PHC2: variants seen among roughly 807,000 people sequenced by gnomAD.
PHC2 encodes the protein polyhomeotic-like protein 2.
In PHC2, 29 loss-of-function variants were observed where a neutral mutation model predicts 87.4. That is an observed-to-expected ratio of 0.33 (90% CI 0.25 to 0.45). The LOEUF (loss-of-function observed/expected upper bound fraction) is 0.45, where lower values mean the gene tolerates loss of function less well. PHC2 is among the 20% of genes least tolerant of loss of function. The probability of loss-of-function intolerance (pLI) is 1.00; values close to 1 mark genes in which losing one functional copy is unlikely to be tolerated. For missense variants in PHC2, 857 were observed against 1,136.7 expected, an observed-to-expected ratio of 0.75 and a Z score of 3.54; for synonymous variants, 438 against 461.7, an observed-to-expected ratio of 0.95 and a Z score of 0.66.
Position 33,406,748 on chromosome 1 carries a change from T to C in PHC2, c.-55+24228A>G, listed in dbSNP as rs190237863. The stretch of plus-strand genomic sequence containing the variant: ...ACCCATCTGAGATAAATTTTCCTTC[T>C]GCCTGGGTCTACTTGTCAGAAGAAT... On this transcript the variant is annotated intron_variant, in intron 1 of 14. Coordinates refer to ENST00000683057, the MANE Select transcript of PHC2 (RefSeq NM_001385109.1). 8.6e-4 allele frequency among the ~76,000 whole-genome samples: 131 copies of C among 152,352 alleles called. No homozygotes were observed. In the East Asian group the frequency reaches 0.018, roughly 22 times the overall value.
chr1:33,344,749 G>A (rs372448743), intron 9 of PHC2, among the ~76,000 whole-genome samples: 39 of 152,058 alleles, frequency 2.6e-4, no homozygotes, highest in African/African-American at 8.0e-4. Context: ...GACCACAGGC[G>A]TGTGCCACTA....
At chr1:33,421,902 C>T (rs989762336) in intron 1 of PHC2, among the ~76,000 whole-genome samples, 5 of 152,186 alleles carry the variant, frequency 3.3e-5, no homozygotes, top group African/African-American at 7.2e-5. Flanking sequence ...TTCTAAAAGG[C>T]GGATCTGATC....
Position 33,349,899 on chromosome 1 carries a change from C to A in PHC2, c.1558+4502G>T, listed in dbSNP as rs1646931797. 1 of 974,132 alleles carries A rather than the reference C, an allele frequency of 1.0e-6. No homozygotes were observed. Among genetic ancestry groups the A allele is most frequent in the Non-Finnish European group, 1.2e-6 (1 of 824,368 alleles). The allele number at this position is 974,132 out of a possible 1,614,324, so 60.3% of individuals were successfully genotyped here. A position where few individuals can be genotyped will look rare whatever the true frequency, so the allele number is the denominator to read the frequency against. ...GGCTGCAGCCGCCGCGGAGACAATG[C>A]GGCGAGTCTGGGACGGCTCCCGCGG... On this transcript the variant is annotated intron_variant, in intron 9 of 14. Coordinates refer to ENST00000683057, the MANE Select transcript of PHC2 (RefSeq NM_001385109.1). This position sits in a 1 kb window ranked among gnomAD's most constrained non-coding sequence, Gnocchi z 4.2.
At chr1:33,346,875 G>T in intron 9 of PHC2, 1 of 985,374 alleles carries the variant, frequency 1.0e-6, no homozygotes, top group Non-Finnish European at 1.2e-6. Context: ...ACACCAGTAG[G>T]GGTTCCTAAT....
chr1:33,428,483 T>C (rs577233373), intron 1 of PHC2, among the ~76,000 whole-genome samples: 1 of 152,270 alleles, frequency 6.6e-6, no homozygotes, highest in East Asian at 1.9e-4. Context: ...ATTCTAAAAA[T>C]AAATGTGGTC....
intron 2 of PHC2, among the ~76,000 whole-genome samples, chr1:33,373,072 C>G (rs533159989): frequency 5.2e-4 from 79 of 152,338 alleles, no homozygotes; most frequent in African/African-American, 1.8e-3. Context: ...TTGTCTGGGC[C>G]TTACAGAGCA....
In PHC2 at chr1:33,370,410, T is replaced by G. The variant is rs1369956737; in HGVS notation, c.576+11A>C. On this transcript the variant is annotated intron_variant, in intron 5 of 14. Coordinates refer to ENST00000683057, the MANE Select transcript of PHC2 (RefSeq NM_001385109.1). ...TGCCTCTGAGCCATGGCCCTGGCCA[T>G]GGGTACTCACCATCTGTGCCCTCAG... 1 of 1,609,306 alleles carries G rather than the reference T, an allele frequency of 6.2e-7. No homozygotes were observed. The highest frequency in any genetic ancestry group is 1.3e-5 in the African/African-American group (1 of 74,806).
intron 1 of PHC2, among the ~76,000 whole-genome samples, chr1:33,427,531 C>T (rs769649445): frequency 2.6e-5 from 4 of 152,086 alleles, no homozygotes; most frequent in Non-Finnish European, 4.4e-5. Context: ...TTATCGGCAT[C>T]TCATGCCACA....
At chr1:33,335,543 C>G (rs1646609479) in intron 9 of PHC2, among the ~76,000 whole-genome samples, 1 of 152,218 alleles carries the variant, frequency 6.6e-6, no homozygotes, top group Non-Finnish European at 1.5e-5. Context: ...AATACCACCA[C>G]AGAATAGGAA....
intron 1 of PHC2, among the ~76,000 whole-genome samples, chr1:33,423,743 T>G (rs1650547744): frequency 6.6e-6 from 1 of 152,248 alleles, no homozygotes; most frequent in African/African-American, 2.4e-5. Flanking sequence ...TACTTTCAAA[T>G]TATCAACTGC....
intron 13 of PHC2, 100 bp from the exon 14 acceptor site, chr1:33,329,246 C>A: frequency 7.8e-7 from 1 of 1,277,146 alleles, no homozygotes; most frequent in South Asian, 1.4e-5. Flanking sequence ...TGGCCTACTA[C>A]TACACATCTG....
At chr1:33,371,370 G>A (rs374871758) in intron 3 of PHC2, among the ~76,000 whole-genome samples, 7 of 152,072 alleles carry the variant, frequency 4.6e-5, no homozygotes, top group African/African-American at 1.4e-4. Flanking sequence ...CACCGCCTTC[G>A]GTGTGTGGAG....
At chr1:33,341,804 AC>A (rs933369089) in intron 9 of PHC2, among the ~76,000 whole-genome samples, 2 of 152,220 alleles carry the variant, frequency 1.3e-5, no homozygotes, top group African/African-American at 4.8e-5. Flanking sequence ...TAAAACATGC[AC>A]AAAATGAACT....
At position 33,334,647 on chromosome 1, in the gene PHC2, TACTC is replaced by T. The variant is rs1208359780; in HGVS notation, c.1559-359_1559-356del. ...TACTGATTTGAACAAATAAGGTTAA[TACTC>T]AGTTTGAGGGAGAAAAGTATTCAAG... On this transcript the variant is annotated intron_variant, in intron 9 of 14. Coordinates refer to ENST00000683057, the MANE Select transcript of PHC2 (RefSeq NM_001385109.1). The surrounding 1 kb of genome is among the most constrained non-coding windows in gnomAD (Gnocchi z 5.5). Among the ~76,000 whole-genome samples the T allele has an allele frequency of 1.3e-5, 2 of 152,218 alleles. No individual in the cohort carries two copies. The highest frequency in any genetic ancestry group is 2.4e-5 in the African/African-American group (1 of 41,466).
At position 33,325,024 on chromosome 1, in the gene PHC2, G is replaced by C. The variant is rs1358046388; in HGVS notation, c.2426-5C>G. On this transcript the variant is annotated splice_polypyrimidine_tract_variant and splice_region_variant and intron_variant, in intron 14 of 14. Coordinates refer to ENST00000683057, the MANE Select transcript of PHC2 (RefSeq NM_001385109.1). Reference sequence around the variant, plus strand: ...CCTCTGCTATCTCCTGGCAGCCTGAGGGGGTACCACCAAAGACAGTGTCAA... The same window carrying C: ...CCTCTGCTATCTCCTGGCAGCCTGACGGGGTACCACCAAAGACAGTGTCAA... The C allele has an allele frequency of 6.2e-7, 1 of 1,607,742 alleles. No individual in the cohort carries two copies. The highest frequency in any genetic ancestry group is 1.1e-5 in the South Asian group (1 of 90,182).
At chr1:33,357,575 T>C (rs1167928800) in intron 7 of PHC2, among the ~76,000 whole-genome samples, 1 of 152,274 alleles carries the variant, frequency 6.6e-6, no homozygotes, top group East Asian at 1.9e-4. Context: ...CAGTGTGATG[T>C]TGAGGGAAGT....
intron 2 of PHC2, among the ~76,000 whole-genome samples, chr1:33,372,878 TG>T (rs1035216739): frequency 2.6e-5 from 4 of 152,052 alleles, no homozygotes; most frequent in African/African-American, 9.7e-5. Context: ...GGGAAAAGAA[TG>T]GGGGTGGAGG....
chr1:33,349,244 C>G lies in PHC2; in HGVS notation c.1558+5157G>C. ...ACCAATAAAGTACGGCAGATGCCAG[C>G]AGTCTCGTCCCCGAACGCACCGTCC... On this transcript the variant is annotated intron_variant, in intron 9 of 14. Coordinates refer to ENST00000683057, the MANE Select transcript of PHC2 (RefSeq NM_001385109.1). This position sits in a 1 kb window ranked among gnomAD's most constrained non-coding sequence, Gnocchi z 4.2. 1 of 985,504 alleles carries G rather than the reference C, an allele frequency of 1.0e-6. No individual in the cohort carries two copies. The highest frequency in any genetic ancestry group is 1.2e-6 in the Non-Finnish European group (1 of 829,982). The allele number at this position is 985,504 out of a possible 1,614,324, so 61.0% of individuals were successfully genotyped here.
rs932803574 is a variant in PHC2 at position 33,368,819 on chromosome 1, A to AG, written c.577-198dup. Among the ~76,000 whole-genome samples the AG allele has an allele frequency of 3.3e-5, 5 of 151,618 alleles. No homozygotes were observed. Among genetic ancestry groups the AG allele is most frequent in the Non-Finnish European group, 5.9e-5 (4 of 67,898 alleles). On this transcript the variant is annotated intron_variant, in intron 5 of 14. Transcript: ENST00000683057. This position sits in a 1 kb window ranked among gnomAD's most constrained non-coding sequence, Gnocchi z 6.6. Reference sequence around the variant, plus strand: ...GAAGCAGAAAGGAAGGGGGAGTCCAAGGGGAGCGCCTGCCTTTCTCTAGAG... The same window carrying AG: ...GAAGCAGAAAGGAAGGGGGAGTCCAAGGGGGAGCGCCTGCCTTTCTCTAGAG...
Sources: gnomAD v4.1 joint callset for allele counts (sites outside exome capture counted in the v4.1 genomes callset) on GRCh38, gnomAD v4.1.1 for gene constraint, Gnocchi (gnomAD v3.1) non-coding constraint, MANE v1.5 for transcripts, NCBI Gene and HGNC (gene_info 2026-07-23, HGNC 2026-07-21) for gene names.